The following LMTK2 variants were observed in gnomAD, a reference collection of about 807,000 sequenced individuals.
The protein encoded by LMTK2 is serine/threonine-protein kinase LMTK2.
In LMTK2, 37 loss-of-function variants were observed where a neutral mutation model predicts 127.5. The ratio of observed to expected loss-of-function variants is 0.29; its 90% CI spans 0.22 to 0.38. The LOEUF (loss-of-function observed/expected upper bound fraction) is 0.38, where lower values mean the gene tolerates loss of function less well. Ranked by LOEUF, LMTK2 falls within the 10% of genes least tolerant of loss-of-function variation. The pLI, the probability that LMTK2 is intolerant of heterozygous loss-of-function variation, is 1.00. For synonymous variants in LMTK2, 819 were observed against 810.1 expected, an observed-to-expected ratio of 1.01 and a Z score of -0.19; for missense variants, 1,694 against 1,920.3, an observed-to-expected ratio of 0.88 and a Z score of 2.20.
At chr7:98,112,013 T>C (rs1796207666) in intron 1 of LMTK2, among the ~76,000 whole-genome samples, 1 of 152,226 alleles carries the variant, frequency 6.6e-6, no homozygotes, top group Non-Finnish European at 1.5e-5. Flanking sequence ...TGTGAACAGA[T>C]GCTGATTTTA....
In LMTK2 at chr7:98,205,799, G is replaced by A. The variant is rs1006857458; in HGVS notation, c.*307G>A. 5 of 492,910 alleles carry A rather than the reference G, an allele frequency of 1.0e-5. No homozygotes were observed. The Admixed American group carries it at 1.7e-4, about 16-fold the overall frequency. 30.5% of individuals were successfully genotyped at this position (492,910 alleles called of 1,614,324 possible). On this transcript the variant is annotated 3_prime_UTR_variant, in exon 14 of 14. Coordinates refer to ENST00000297293, the MANE Select transcript of LMTK2 (RefSeq NM_014916.4). ...AGGCAGGGGCACAGCCTCCATGTGC[G>A]CGCGCGTGTGGAGCTGTGTGCACCG...
chr7:98,185,547 T>A (rs1797421027), intron 8 of LMTK2, among the ~76,000 whole-genome samples: 1 of 152,172 alleles, frequency 6.6e-6, no homozygotes, highest in South Asian at 2.1e-4. Context: ...TAGGTTTTTT[T>A]AACTCTGTCA....
intron 1 of LMTK2, among the ~76,000 whole-genome samples, chr7:98,121,471 C>CA (rs68164720): frequency 0.13 from 18,793 of 143,172 alleles, 1,834 homozygotes; most frequent in African/African-American, 0.28. Context: ...TACTAAAATA[C>CA]AAAAAAAAAA....
At chr7:98,148,834 A>T (rs12530615) in intron 3 of LMTK2, among the ~76,000 whole-genome samples, 8,080 of 152,258 alleles carry the variant, frequency 0.053, 634 homozygotes, top group East Asian at 0.36. Context: ...GGGCCTGAAG[A>T]CCAGCTCCAG....
intron 7 of LMTK2, among the ~76,000 whole-genome samples, 184 bp from the exon 8 acceptor site, chr7:98,184,864 ATTT>A (rs1427481519): frequency 3.3e-5 from 5 of 152,334 alleles, no homozygotes; most frequent in Admixed American, 3.3e-4. Flanking sequence ...CATCTTTATT[ATTT>A]AAGTGATTGA....
At chr7:98,140,165 TTC>T (rs1562902849) in intron 2 of LMTK2, among the ~76,000 whole-genome samples, 7 of 3,566 alleles carry the variant, frequency 2.0e-3, no homozygotes, top group African/African-American at 4.1e-3. Flanking sequence ...TTCTTTTCTT[TTC>T]TTTTCTTTCT....
At chr7:98,121,189 G>A (rs1280337204) in intron 1 of LMTK2, among the ~76,000 whole-genome samples, 4 of 152,148 alleles carry the variant, frequency 2.6e-5, no homozygotes, top group African/African-American at 9.7e-5. Flanking sequence ...TCTGTAGTGC[G>A]ATGCGCATGC....
intron 1 of LMTK2, among the ~76,000 whole-genome samples, chr7:98,115,237 A>T (rs1796261175): frequency 6.6e-6 from 1 of 151,964 alleles, no homozygotes; most frequent in Non-Finnish European, 1.5e-5. Flanking sequence ...CAACACGGAG[A>T]AACCCCGTCT....
In LMTK2 at chr7:98,193,935, A is replaced by G. The variant is rs1261126570; in HGVS notation, c.3470A>G (p.Lys1157Arg). ...AAQDSCLEARKSQPDESCLSA... is the reference protein window; with the variant it reads ...AAQDSCLEARRSQPDESCLSA... ...CAGGATAGCTGCCTGGAAGCCAGAA[A>G]GAGCCAGCCAGATGAAAGTTGTCTG... is the stretch of plus-strand genomic sequence containing the variant. Residue 1157 changes from lysine to arginine, a missense_variant, in exon 11 of 14, where the codon AAG becomes AGG. Around this residue, in one of 8 missense-constraint regions of LMTK2, gnomAD observed 554 missense variants for 567.7 expected, o/e 0.98. Coordinates refer to ENST00000297293, the MANE Select transcript of LMTK2 (RefSeq NM_014916.4). This position sits in a 1 kb window ranked among gnomAD's most constrained non-coding sequence, Gnocchi z 4.1. 1 of 1,614,134 alleles carries G rather than the reference A, an allele frequency of 6.2e-7. No homozygotes were observed. Among genetic ancestry groups the G allele is most frequent in the Non-Finnish European group, 8.5e-7 (1 of 1,180,042 alleles).
chr7:98,148,740 C>G (rs1426739356), intron 3 of LMTK2, among the ~76,000 whole-genome samples: 1 of 152,188 alleles, frequency 6.6e-6, no homozygotes, highest in African/African-American at 2.4e-5. Context: ...TAGGTCTTTG[C>G]AGATTGACTC....
At chr7:98,140,915 G>A (rs1425640271) in intron 2 of LMTK2, among the ~76,000 whole-genome samples, 3 of 151,726 alleles carry the variant, frequency 2.0e-5, no homozygotes, top group Admixed American at 6.6e-5. Flanking sequence ...AAATTACCTG[G>A]GCGTGGTGAT....
chr7:98,164,238 A>G lies in LMTK2; in HGVS notation c.657+4813A>G, dbSNP rs1221480241. ...AGGGTGTTTTATAGAACTTGTTGCC[A>G]TGGCAGGTACACGCCGCTCTCACGT... is the stretch of plus-strand genomic sequence containing the variant. On this transcript the variant is annotated intron_variant, in intron 6 of 13. Coordinates refer to ENST00000297293, the MANE Select transcript of LMTK2 (RefSeq NM_014916.4). 2.0e-5 allele frequency among the ~76,000 whole-genome samples: 3 copies of G among 152,044 alleles called. No individual in the cohort carries two copies. The East Asian group carries it at 5.8e-4, about 29-fold the overall frequency.
intron 4 of LMTK2, among the ~76,000 whole-genome samples, chr7:98,154,481 G>A (rs1462369101): frequency 2.0e-5 from 3 of 152,112 alleles, no homozygotes; most frequent in African/African-American, 4.8e-5. Context: ...TAAATAAATC[G>A]ACACAAATAA....
intron 10 of LMTK2, among the ~76,000 whole-genome samples, chr7:98,191,227 T>C (rs1050219755): frequency 1.3e-5 from 2 of 152,138 alleles, no homozygotes; most frequent in African/African-American, 4.8e-5. Context: ...GGATTACAAG[T>C]GTGAGCCAGG....
intron 3 of LMTK2, among the ~76,000 whole-genome samples, chr7:98,144,359 G>A (rs1215453174): frequency 1.3e-5 from 2 of 151,856 alleles, no homozygotes; most frequent in South Asian, 2.1e-4. Context: ...CATGAACCCG[G>A]GAGGCGGAGC....
rs775631538 is a variant in LMTK2, at chr7:98,194,094, G to C, written c.3629G>C (p.Ser1210Thr). The C allele has an allele frequency of 7.4e-6, 12 of 1,613,992 alleles. No homozygotes were observed. In the East Asian group the frequency reaches 2.7e-4, roughly 36 times the overall value. The change falls in exon 11 of 14, where the codon AGC (serine) becomes ACC (threonine). Residue 1210 changes from serine (S) to threonine (T), a missense_variant. Ser to Thr is a moderately conservative substitution (Grantham distance 58, BLOSUM62 1). Around this residue, in one of 8 missense-constraint regions of LMTK2, gnomAD observed 554 missense variants for 567.7 expected, o/e 0.98. Transcript: ENST00000297293. This position sits in a 1 kb window ranked among gnomAD's most constrained non-coding sequence, Gnocchi z 5.4. ...TGGAGTGTGCTGAATGCAGAACTTA[G>C]CAGCGGCGATGACTTCGAGACACAG... ...SPWSVLNAEL[S>T]SGDDFETQDD... is the part of the protein sequence containing the mutation.
Position 98,171,793 on chromosome 7 carries a change from T to C in LMTK2, c.791+119T>C. The C allele has an allele frequency of 8.7e-7, 1 of 1,143,160 alleles. No homozygotes were observed. 70.8% of individuals were successfully genotyped at this position (1,143,160 alleles called of 1,614,324 possible). On this transcript the variant is annotated intron_variant, in intron 7 of 13. Transcript: ENST00000297293. This position sits in a 1 kb window ranked among gnomAD's most constrained non-coding sequence, Gnocchi z 5.1. The stretch of plus-strand genomic sequence containing the variant: ...GGTGGCAGAATGAACCCAGCTCATG[T>C]AGGTAGAAGCGATCTCGTTCTTACC...
chr7:98,167,805 G>C (rs1021447341), intron 6 of LMTK2, among the ~76,000 whole-genome samples: 4 of 152,326 alleles, frequency 2.6e-5, no homozygotes, highest in African/African-American at 9.6e-5. Context: ...TGAGGACCAG[G>C]ACGGAGCTCC....
intron 1 of LMTK2, among the ~76,000 whole-genome samples, chr7:98,115,968 C>T (rs1329333005): frequency 6.6e-6 from 1 of 151,968 alleles, no homozygotes; most frequent in African/African-American, 2.4e-5. Context: ...TTACTGCATC[C>T]CTGAACTCCT....
Sources: allele counts gnomAD v4.1 joint callset (sites outside exome capture counted in the v4.1 genomes callset), GRCh38; gene constraint gnomAD v4.1.1; regional missense constraint gnomAD v4.1.1; non-coding constraint Gnocchi (gnomAD v3.1); transcripts MANE v1.5; gene names NCBI Gene and HGNC (gene_info 2026-07-23, HGNC 2026-07-21).